The following MYOM3 variants were observed in gnomAD, a reference collection of about 807,000 sequenced individuals.
MYOM3 encodes myomesin-3.
Under a neutral mutation model 191.7 loss-of-function variants are expected in MYOM3, and 155 were observed. That is an observed-to-expected ratio of 0.81 (90% CI 0.71 to 0.92). MYOM3 has a LOEUF of 0.92. Among genes scored for constraint, MYOM3 ranks in the 40% least tolerant of loss-of-function variants. MYOM3 has a pLI of 0.00. For missense variants in MYOM3, 1,889 were observed against 1,890.6 expected, an observed-to-expected ratio of 1.00 and a Z score of 0.02; for synonymous variants, 757 against 762.9, an observed-to-expected ratio of 0.99 and a Z score of 0.13.
At position 24,091,002 on chromosome 1, in the gene MYOM3, G is replaced by A; in HGVS notation, c.1233-6C>T. On this transcript the variant is annotated splice_polypyrimidine_tract_variant and splice_region_variant and intron_variant, in intron 11 of 36. Transcript: ENST00000374434. ...CCCCAGACTCGCCCTGGCACCTGTT[G>A]GAGACAGGCCCCCCCTTTCAGCCCC... The A allele has an allele frequency of 6.2e-7, 1 of 1,612,746 alleles. No individual in the cohort carries two copies. Among genetic ancestry groups the A allele is most frequent in the East Asian group, 2.2e-5 (1 of 44,880 alleles).
chr1:24,099,716 G>A lies in MYOM3; in HGVS notation c.620C>T (p.Thr207Ile), dbSNP rs1006273327. Reference protein sequence around the residue: ...RLFRAGKYRITNNYGLLSLEI... With the variant: ...RLFRAGKYRIINNYGLLSLEI... ...CAGGGACAGCAGCCCGTAGTTGTTG[G>A]TGATTCGGTATTTTCCGGCACGAAA... Residue 207 changes from threonine (T) to isoleucine (I), a missense_variant, in exon 6 of 37, where the codon ACC becomes ATC. Physicochemically the swap from Thr to Ile is moderately conservative, Grantham distance 89. Transcript: ENST00000374434. The A allele has an allele frequency of 1.9e-6, 3 of 1,613,924 alleles. No homozygotes were observed. Among genetic ancestry groups the A allele is most frequent in the Non-Finnish European group, 2.5e-6 (3 of 1,179,982 alleles).
chr1:24,089,503 G>A (rs988591301), intron 14 of MYOM3, 35 bp downstream of exon 14: 22 of 1,569,080 alleles, frequency 1.4e-5, no homozygotes, highest in Non-Finnish European at 1.9e-5. Context: ...CTGTTTCTCA[G>A]GCTGGCCTGG....
intron 20 of MYOM3, among the ~76,000 whole-genome samples, chr1:24,079,298 T>TG (rs1643639242): frequency 6.6e-6 from 1 of 151,952 alleles, no homozygotes; most frequent in Admixed American, 6.6e-5. Context: ...CTCTGTGGGC[T>TG]CAGGTGATCC....
intron 21 of MYOM3, 62 bp from the exon 22 acceptor site, chr1:24,075,537 C>G: frequency 6.7e-7 from 1 of 1,482,880 alleles, no homozygotes; most frequent in Non-Finnish European, 9.0e-7. Context: ...GGTCACACCC[C>G]TCCCCTGCTT....
intron 32 of MYOM3, among the ~76,000 whole-genome samples, 188 bp from the exon 33 acceptor site, chr1:24,062,297 GCATT>G (rs528772201): frequency 2.0e-5 from 3 of 152,052 alleles, no homozygotes; most frequent in East Asian, 3.8e-4. Context: ...ATTCAATACT[GCATT>G]CATTCATTCA....
intron 14 of MYOM3, among the ~76,000 whole-genome samples, chr1:24,088,249 C>A (rs567551654): frequency 2.0e-5 from 3 of 152,226 alleles, no homozygotes; most frequent in Non-Finnish European, 2.9e-5. Flanking sequence ...GTTTTCCCCC[C>A]ACAAGCCCAT....
At chr1:24,068,650 G>A (rs1437810935) in intron 25 of MYOM3, among the ~76,000 whole-genome samples, 2 of 151,886 alleles carry the variant, frequency 1.3e-5, no homozygotes, top group African/African-American at 2.4e-5. Context: ...AATAAGTCCC[G>A]AACCCCTGCT....
intron 3 of MYOM3, 50 bp from the exon 4 acceptor site, chr1:24,107,282 G>A: frequency 1.3e-6 from 2 of 1,490,300 alleles, no homozygotes; most frequent in Non-Finnish European, 1.8e-6. Flanking sequence ...GGGATGCCTG[G>A]GGCATCCTGG....
chr1:24,098,982 A>G (rs1223542003), intron 6 of MYOM3, among the ~76,000 whole-genome samples: 1 of 152,174 alleles, frequency 6.6e-6, no homozygotes, highest in Non-Finnish European at 1.5e-5. Flanking sequence ...GCTTCCCTCA[A>G]GCATGGTGGC....
At chr1:24,084,683 T>C (rs779892332) in intron 15 of MYOM3, 44 bp from the exon 16 acceptor site, 18 of 1,557,180 alleles carry the variant, frequency 1.2e-5, no homozygotes, top group African/African-American at 4.1e-5. Context: ...CTGAGTTACA[T>C]GGGTCTGACA....
At chr1:24,099,440 G>A (rs554425296) in intron 6 of MYOM3, among the ~76,000 whole-genome samples, 2 of 150,424 alleles carry the variant, frequency 1.3e-5, no homozygotes, top group South Asian at 4.2e-4. Context: ...GGAATCACAT[G>A]GTGGGTGTGT....
Position 24,086,658 on chromosome 1 carries a change from A to G in MYOM3, c.1784T>C (p.Leu595Ser). 1 of 1,613,810 alleles carries G rather than the reference A, an allele frequency of 6.2e-7. No homozygotes were observed. Among genetic ancestry groups the G allele is most frequent in the African/African-American group, 1.3e-5 (1 of 75,026 alleles). ...DPSEPSEPIA[L>S]RGPPATLPPP... ...CAGGAGGGTACCTGGCGGGCCCCGCAAGGCGATGGGTTCGCTGGGCTCCGA... is the reference window on the plus strand; with the variant it reads ...CAGGAGGGTACCTGGCGGGCCCCGCGAGGCGATGGGTTCGCTGGGCTCCGA... Residue 595 changes from leucine to serine, a missense_variant, in exon 15 of 37, where the codon TTG becomes TCG. Physicochemically the swap from Leu to Ser is moderately radical, Grantham distance 145 (BLOSUM62 -2). Coordinates refer to ENST00000374434, the MANE Select transcript of MYOM3 (RefSeq NM_152372.4).
chr1:24,097,536 A>G (rs572406534), intron 7 of MYOM3, among the ~76,000 whole-genome samples: 2 of 152,306 alleles, frequency 1.3e-5, no homozygotes, highest in African/African-American at 4.8e-5. Context: ...GACTCTACAG[A>G]GAGAGCTGAG....
intron 6 of MYOM3, among the ~76,000 whole-genome samples, chr1:24,098,592 C>T (rs1643891316): frequency 6.6e-6 from 1 of 152,214 alleles, no homozygotes; most frequent in African/African-American, 2.4e-5. Context: ...GATGTGGCAC[C>T]TCTGGCCCCA....
chr1:24,078,141 G>A (rs7512179), intron 20 of MYOM3, among the ~76,000 whole-genome samples: 147,618 of 150,364 alleles, frequency 0.98, 72,505 homozygotes, highest in East Asian at 1. Context: ...TTTTTTTGAG[G>A]TGGAATCTTG....
chr1:24,066,749 C>A (rs892714455), intron 28 of MYOM3: 4 of 478,730 alleles, frequency 8.4e-6, no homozygotes, highest in South Asian at 4.0e-5. Context: ...GGCTCCTAGA[C>A]CCCCTGACCC....
chr1:24,062,221 G>T, intron 32 of MYOM3, 112 bp from the exon 33 acceptor site: 1 of 1,108,702 alleles, frequency 9.0e-7, no homozygotes, highest in Non-Finnish European at 1.3e-6. Context: ...GCTATGGGTG[G>T]TGACTATGAG....
intron 5 of MYOM3, among the ~76,000 whole-genome samples, chr1:24,102,262 C>G (rs1643943329): frequency 6.6e-6 from 1 of 152,148 alleles, no homozygotes; most frequent in Non-Finnish European, 1.5e-5. Flanking sequence ...CGCTAAACCT[C>G]CCACAGGGAG....
rs774315759 is a variant in MYOM3 at position 24,076,189 on chromosome 1, T to C, written c.2671A>G (p.Thr891Ala). ...TTGTCCTCCAGGAGCACGGGATCAG[T>C]GGGCATGGACGGTTGCCCCAGACCA... ...SAGLGQPSMP[T>A]DPVLLEDKPG... Residue 891 changes from threonine to alanine, a missense_variant, in exon 21 of 37, where the codon ACT (threonine) becomes GCT (alanine). Physicochemically the swap from Thr to Ala is moderately conservative, Grantham distance 58. Transcript: ENST00000374434. The C allele has an allele frequency of 1.5e-5, 25 of 1,614,054 alleles. No homozygotes were observed. Among genetic ancestry groups the C allele is most frequent in the Admixed American group, 5.0e-5 (3 of 60,012 alleles).
Sources: allele counts gnomAD v4.1 joint callset (sites outside exome capture counted in the v4.1 genomes callset), GRCh38; gene constraint gnomAD v4.1.1; transcripts MANE v1.5; gene names NCBI Gene and HGNC (gene_info 2026-07-23, HGNC 2026-07-21).